Variants in GNAS observed in about 807,000 individuals in gnomAD.
GNAS encodes protein ALEX.
GNAS carries 8 observed loss-of-function variants against 54.5 expected under a neutral mutation model. The observed-to-expected ratio is 0.15, with a 90% CI of 0.09 to 0.26. GNAS has a LOEUF of 0.26. Ranked by LOEUF, GNAS falls within the 10% of genes least tolerant of loss-of-function variation. GNAS has a pLI of 1.00. For synonymous variants in GNAS, 204 were observed against 191.4 expected (o/e 1.07, Z -0.54); for missense variants, 170 against 529.8 (o/e 0.32, Z 6.67).
intron 1 of GNAS, among the ~76,000 whole-genome samples, chr20:58,858,285 G>GA (rs1231182433): frequency 6.6e-6 from 1 of 152,088 alleles, no homozygotes; most frequent in Non-Finnish European, 1.5e-5. Context: ...TCTGTTGCTT[G>GA]AAAAAATGTA....
intron 1 of GNAS, among the ~76,000 whole-genome samples, chr20:58,883,470 G>C (rs1246178453): frequency 6.6e-6 from 1 of 152,148 alleles, no homozygotes; most frequent in African/African-American, 2.4e-5. Flanking sequence ...GAGGTCTGTA[G>C]CTCATAAAAA....
upstream of GNAS, among the ~76,000 whole-genome samples, chr20:58,887,751 A>G (rs1355281239): frequency 3.3e-5 from 5 of 152,202 alleles, no homozygotes; most frequent in Admixed American, 1.3e-4. Context: ...GACGGTGTCT[A>G]GGCTGCGCTT....
intron 1 of GNAS, among the ~76,000 whole-genome samples, chr20:58,867,884 C>T (rs1334158745): frequency 6.6e-6 from 1 of 152,118 alleles, no homozygotes; most frequent in East Asian, 1.9e-4. Flanking sequence ...AGGACAGGGA[C>T]AGCTTGAGAA....
upstream of GNAS, chr20:58,890,745 CCCCCA>C (rs2089135303): frequency 2.0e-5 from 3 of 152,212 alleles, no homozygotes; most frequent in South Asian, 6.2e-4. Flanking sequence ...CTAGTCAGAC[CCCCCA>C]CCCCGCCACC....
Position 58,908,885 on chromosome 20 carries a change from C to G in GNAS, c.531-277C>G, listed in dbSNP as rs181486301. 1.6e-4 allele frequency: 84 copies of G among 540,992 alleles called. No homozygotes were observed. In the East Asian group the frequency reaches 2.7e-3, roughly 18 times the overall value. 33.5% of individuals were successfully genotyped at this position (540,992 alleles called of 1,614,324 possible). On this transcript the variant is annotated intron_variant, in intron 6 of 12. Transcript: ENST00000371085. ...CACCGTGCTGTGCTGTTTGTGTGGC[C>G]CCACTGCGTCGAGGCCACAGGCTAG... is the stretch of plus-strand genomic sequence containing the variant.
At chr20:58,898,064 G>A (rs934562837) in intron 2 of GNAS, 1 of 152,158 alleles carries the variant, frequency 6.6e-6, no homozygotes, top group African/African-American at 2.4e-5. Context: ...TACAGAGGTT[G>A]GATGCGGATT....
upstream of GNAS, among the ~76,000 whole-genome samples, chr20:58,890,111 C>G (rs990857555): frequency 2.0e-5 from 3 of 151,578 alleles, no homozygotes; most frequent in South Asian, 2.1e-4. Context: ...ACAAGGAGCG[C>G]AAGAAGCTCG....
rs766422930 is a variant in GNAS at position 58,854,188 on chromosome 20, C to T, written c.43+13302C>T. ...CCCTGGATGGAGATCTCCGGACCCC[C>T]GTTCGAGATTGGCAGCGCCCCCGCT... On this transcript the variant is annotated intron_variant, in intron 1 of 12. Coordinates refer to the GNAS transcript ENST00000306090. 14 of 1,612,954 alleles carry T rather than the reference C, an allele frequency of 8.7e-6. No homozygotes were observed. Among genetic ancestry groups the T allele is most frequent in the Non-Finnish European group, 1.0e-5 (12 of 1,179,860 alleles).
intron 1 of GNAS, chr20:58,855,331 T>C: frequency 6.4e-7 from 1 of 1,566,408 alleles, no homozygotes; most frequent in Non-Finnish European, 8.7e-7. Flanking sequence ...CTGCTGCTTC[T>C]AGGTAATGCG....
upstream of GNAS, chr20:58,888,931 CCCA>C (rs1198260140): frequency 4.3e-6 from 1 of 235,174 alleles, no homozygotes; most frequent in Non-Finnish European, 6.9e-6. Context: ...GGGTTGAGCG[CCCA>C]CCGCCTTGGG....
chr20:58,843,316 C>A (rs912191752), intron 1 of GNAS: 1 of 152,096 alleles, frequency 6.6e-6, no homozygotes, highest in East Asian at 1.9e-4. Context: ...TATACCAACC[C>A]CCGAGGAAAG....
At chr20:58,894,111 C>A (rs1204234799) in intron 1 of GNAS, among the ~76,000 whole-genome samples, 2 of 152,224 alleles carry the variant, frequency 1.3e-5, no homozygotes, top group Non-Finnish European at 1.5e-5. Context: ...TTTACTCCAT[C>A]TTAATGACAT....
chr20:58,903,282 C>T (rs2090793817), intron 3 of GNAS: 1 of 594,582 alleles, frequency 1.7e-6, no homozygotes, highest in Non-Finnish European at 3.0e-6. Flanking sequence ...CATGCAACTT[C>T]TGGTACAGTC....
chr20:58,910,184 G>T lies in GNAS; in HGVS notation c.970+103G>T. The T allele has an allele frequency of 4.4e-6, 6 of 1,371,044 alleles. No individual in the cohort carries two copies. The South Asian group carries it at 5.8e-5, about 13-fold the overall frequency. 84.9% of individuals were successfully genotyped at this position (1,371,044 alleles called of 1,614,324 possible). On this transcript the variant is annotated intron_variant, in intron 11 of 12. Transcript: ENST00000371085. The surrounding 1 kb of genome is among the most constrained non-coding windows in gnomAD (Gnocchi z 5.8). Reference sequence around the variant, plus strand: ...CCCCTCCCACCACCAAACCATAAAGGATCTATAAGAGAAGCAAGAAAAACG... The same window carrying T: ...CCCCTCCCACCACCAAACCATAAAGTATCTATAAGAGAAGCAAGAAAAACG...
chr20:58,849,346 T>G (rs2145526758), intron 1 of GNAS, among the ~76,000 whole-genome samples: 1 of 152,292 alleles, frequency 6.6e-6, no homozygotes, highest in Middle Eastern at 3.4e-3. Flanking sequence ...TCCTCCCTAC[T>G]CACTCCTGGA....
In GNAS at chr20:58,841,338, T is replaced by C. The variant is rs2085716340; in HGVS notation, c.43+452T>C. 3.8e-6 allele frequency: 4 copies of C among 1,058,018 alleles called. No individual in the cohort carries two copies. The highest frequency in any genetic ancestry group is 9.1e-4 in the Middle Eastern group (2 of 2,200). The allele number at this position is 1,058,018 out of a possible 1,614,324, so 65.5% of individuals were successfully genotyped here. On this transcript the variant is annotated intron_variant, in intron 1 of 12. Coordinates refer to the GNAS transcript ENST00000306090. The surrounding 1 kb of genome is among the most constrained non-coding windows in gnomAD (Gnocchi z 5.0). The stretch of plus-strand genomic sequence containing the variant: ...GGTGCGCGCGCCAACTTTCACGATG[T>C]GAGAGCAGCCGCGCTGTAGAGACAC...
intron 2 of GNAS, chr20:58,898,611 C>T (rs1265106533): frequency 1.7e-5 from 7 of 416,106 alleles, no homozygotes; most frequent in Non-Finnish European, 3.1e-5. Context: ...TGAGATAAAT[C>T]ACTGCTTTAG....
intron 1 of GNAS, chr20:58,854,030 C>A (rs772781318): frequency 1.2e-6 from 2 of 1,610,774 alleles, no homozygotes; most frequent in East Asian, 2.2e-5. Flanking sequence ...GCAGCCAGTT[C>A]GCGGCAGTCG....
In GNAS at chr20:58,873,518, T is replaced by C. The variant is rs921914064; in HGVS notation, c.44-22094T>C. On this transcript the variant is annotated intron_variant, in intron 1 of 12. Coordinates refer to the GNAS transcript ENST00000306090. The surrounding 1 kb of genome is among the most constrained non-coding windows in gnomAD (Gnocchi z 4.3). ...ACACAGGGACTAGCACATGTACCCATTTTTTCTCACTGATAAGTTATTTCC... is the reference window on the plus strand; with the variant it reads ...ACACAGGGACTAGCACATGTACCCACTTTTTCTCACTGATAAGTTATTTCC... Among the ~76,000 whole-genome samples the C allele has an allele frequency of 6.6e-6, 1 of 152,198 alleles. No individual in the cohort carries two copies. Among genetic ancestry groups the C allele is most frequent in the African/African-American group, 2.4e-5 (1 of 41,438 alleles).
Sources: gnomAD v4.1 joint callset for allele counts (sites outside exome capture counted in the v4.1 genomes callset) on GRCh38, gnomAD v4.1.1 for gene constraint, Gnocchi (gnomAD v3.1) non-coding constraint, MANE v1.5 for transcripts, NCBI Gene and HGNC (gene_info 2026-07-23, HGNC 2026-07-21) for gene names.